CSTPP1: variants seen among roughly 807,000 people sequenced by gnomAD.
CSTPP1 encodes centriolar satellite-associated tubulin polyglutamylase complex regulator 1.
the CSTPP1 span, chr11:46,936,827 G>T: frequency 5.6e-6 from 9 of 1,605,526 alleles, no homozygotes; most frequent in Non-Finnish European, 6.8e-6. Flanking sequence ...GGAGCGCCTA[G>T]CCCTACCGGA....
chr11:47,138,485 TG>T, the CSTPP1 span, among the ~76,000 whole-genome samples: 1 of 152,068 alleles, frequency 6.6e-6, no homozygotes, highest in Admixed American at 6.6e-5. Context: ...GGCATAAAGG[TG>T]ATAAAGCCCC....
At chr11:46,937,619 G>C in the CSTPP1 span, among the ~76,000 whole-genome samples, 2 of 152,152 alleles carry the variant, frequency 1.3e-5, no homozygotes, top group Non-Finnish European at 2.9e-5. Flanking sequence ...GCCCGGGCTG[G>C]AGTGCAGTGG....
the CSTPP1 span, among the ~76,000 whole-genome samples, chr11:47,107,732 T>A: frequency 1.3e-5 from 2 of 152,230 alleles, no homozygotes; most frequent in Non-Finnish European, 2.9e-5. Flanking sequence ...AGTTTGTTCA[T>A]ATCTGGGAAT....
the CSTPP1 span, among the ~76,000 whole-genome samples, chr11:47,147,245 T>C: frequency 6.6e-6 from 1 of 152,106 alleles, no homozygotes; most frequent in Admixed American, 6.5e-5. Context: ...TTCCTTTAAA[T>C]AAAAAATGAT....
the CSTPP1 span, chr11:47,154,916 G>A: frequency 1.2e-5 from 6 of 521,040 alleles, no homozygotes; most frequent in Admixed American, 3.2e-5. Flanking sequence ...AGACTGAACC[G>A]GGAGCCCGCT....
chr11:47,076,952 GA>G, the CSTPP1 span, among the ~76,000 whole-genome samples: 1 of 105,518 alleles, frequency 9.5e-6, no homozygotes, highest in African/African-American at 3.6e-5. Context: ...CAAAGAAGTA[GA>G]AAACAGGAGG....
At chr11:47,080,033 T>C in the CSTPP1 span, among the ~76,000 whole-genome samples, 3 of 152,052 alleles carry the variant, frequency 2.0e-5, no homozygotes, top group Non-Finnish European at 4.4e-5. Flanking sequence ...GAGGCAAAGG[T>C]TGCAGTGAGC....
the CSTPP1 span, among the ~76,000 whole-genome samples, chr11:47,138,574 A>G: frequency 2.0e-5 from 3 of 152,220 alleles, no homozygotes; most frequent in African/African-American, 7.2e-5. Context: ...GACTTGGCAG[A>G]AATAGTTAGA....
chr11:47,080,110 CA>C, the CSTPP1 span, among the ~76,000 whole-genome samples: 89 of 148,810 alleles, frequency 6.0e-4, no homozygotes, highest in Non-Finnish European at 1.1e-3. Flanking sequence ...AACAAACAAA[CA>C]AAAAAAAGGA....
the CSTPP1 span, among the ~76,000 whole-genome samples, chr11:47,054,784 G>C: frequency 2.0e-4 from 31 of 152,194 alleles, 1 homozygote; most frequent in Admixed American, 2.0e-3. Flanking sequence ...GGCACTTTCA[G>C]AGATAGAATC....
At chr11:47,007,067 A>G in the CSTPP1 span, among the ~76,000 whole-genome samples, 1 of 131,954 alleles carries the variant, frequency 7.6e-6, no homozygotes, top group African/African-American at 3.0e-5. Flanking sequence ...GTGCAGTAGC[A>G]CTATCTTGGC....
the CSTPP1 span, among the ~76,000 whole-genome samples, chr11:46,941,064 A>G: frequency 1.3e-5 from 2 of 152,188 alleles, no homozygotes; most frequent in South Asian, 2.1e-4. Flanking sequence ...AAAAGCTTCA[A>G]TGTTTGTGAA....
the CSTPP1 span, chr11:46,947,928 C>CTT: frequency 4.2e-4 from 139 of 327,578 alleles, no homozygotes; most frequent in Admixed American, 3.0e-3. Context: ...CCCATTGCCA[C>CTT]TTTTTTTTTT....
chr11:47,155,396 G>A, the CSTPP1 span: 20 of 804,914 alleles, frequency 2.5e-5, no homozygotes, highest in Non-Finnish European at 6.4e-6. Flanking sequence ...TTCACTGCGG[G>A]TCGCTAACAG....
the CSTPP1 span, among the ~76,000 whole-genome samples, chr11:47,060,704 G>T: frequency 0.078 from 11,917 of 152,192 alleles, 487 homozygotes; most frequent in Non-Finnish European, 0.089. Flanking sequence ...CATTGTTACT[G>T]CTTGGGTAAT....
chr11:47,122,965 T>A, the CSTPP1 span: 1 of 152,228 alleles, frequency 6.6e-6, no homozygotes, highest in African/African-American at 2.4e-5. Flanking sequence ...TTTTTAACTC[T>A]GTTGATGTAT....
the CSTPP1 span, chr11:47,157,099 G>A: frequency 1.2e-6 from 2 of 1,614,170 alleles, no homozygotes; most frequent in South Asian, 1.1e-5. Flanking sequence ...TTGTGCCGAC[G>A]TCGTCCAGTG....
At chr11:47,022,814 G>A in the CSTPP1 span, among the ~76,000 whole-genome samples, 83 of 152,200 alleles carry the variant, frequency 5.5e-4, no homozygotes, top group Non-Finnish European at 1.0e-3. Flanking sequence ...GATAGTCCCC[G>A]AATGTGCCAA....
the CSTPP1 span, among the ~76,000 whole-genome samples, chr11:47,072,375 A>G: frequency 1.3e-5 from 2 of 152,214 alleles, no homozygotes; most frequent in Admixed American, 1.3e-4. Flanking sequence ...GTAAATTACC[A>G]TTTCTCAAAA....
Sources: gnomAD v4.1 joint callset for allele counts (sites outside exome capture counted in the v4.1 genomes callset) on GRCh38, gnomAD v4.1.1 for gene constraint, MANE v1.5 for transcripts, NCBI Gene and HGNC (gene_info 2026-07-23, HGNC 2026-07-21) for gene names.